The following ANO4 variants were observed in gnomAD, a reference collection of about 807,000 sequenced individuals.
ANO4 encodes anoctamin 4, also known as anoctamin-4.
A neutral mutation model predicts 141.9 loss-of-function variants in ANO4; 69 were observed. That is an observed-to-expected ratio of 0.49 (90% confidence interval 0.40 to 0.59). The LOEUF (loss-of-function observed/expected upper bound fraction) is 0.59, where lower values mean the gene tolerates loss of function less well. Among genes scored for constraint, ANO4 ranks in the 20% least tolerant of loss-of-function variants. ANO4 has a pLI of 0.00. For missense variants in ANO4, 894 were observed against 1,162.2 expected, an observed-to-expected ratio of 0.77 and a Z score of 3.36; for synonymous variants, 350 against 394.3, an observed-to-expected ratio of 0.89 and a Z score of 1.33.
chr12:100,994,403 A>G (rs1240770791), intron 8 of ANO4, among the ~76,000 whole-genome samples: 3 of 152,344 alleles, frequency 2.0e-5, no homozygotes, highest in African/African-American at 4.8e-5. Flanking sequence ...TGAGGCAATT[A>G]CTTTCTAAGG....
chr12:100,887,926 G>A (rs1044660883), intron 1 of ANO4, among the ~76,000 whole-genome samples: 3 of 152,166 alleles, frequency 2.0e-5, no homozygotes, highest in Non-Finnish European at 4.4e-5. Flanking sequence ...TAAGTCCACA[G>A]AACACAAGGA....
chr12:100,858,721 A>G (rs1234513708), intron 1 of ANO4, among the ~76,000 whole-genome samples: 1 of 152,174 alleles, frequency 6.6e-6, no homozygotes, highest in African/African-American at 2.4e-5. Context: ...GAAGTGGCAT[A>G]GTAGGATTTG....
intron 14 of ANO4, among the ~76,000 whole-genome samples, chr12:101,058,412 G>C (rs1041525962): frequency 5.3e-5 from 8 of 152,194 alleles, no homozygotes; most frequent in African/African-American, 1.9e-4. Context: ...GTCAGTGGTA[G>C]CTTGATGTGG....
At chr12:100,734,689 A>C (rs2031530098) in intron 2 of ANO4, among the ~76,000 whole-genome samples, 1 of 112,734 alleles carries the variant, frequency 8.9e-6, no homozygotes, top group African/African-American at 3.4e-5. Context: ...TCTGTTTGAC[A>C]CTAAATCCTA....
chr12:100,915,965 TAACTA>T (rs1477350197), intron 2 of ANO4, among the ~76,000 whole-genome samples: 1 of 152,220 alleles, frequency 6.6e-6, no homozygotes, highest in Non-Finnish European at 1.5e-5. Flanking sequence ...TTATTTAAAG[TAACTA>T]AACTAAGGCA....
intron 1 of ANO4, among the ~76,000 whole-genome samples, chr12:100,856,199 A>C (rs1291648932): frequency 6.6e-6 from 1 of 152,210 alleles, no homozygotes; most frequent in Non-Finnish European, 1.5e-5. Context: ...GATTTTGGTT[A>C]TAATCAGCCA....
At chr12:100,833,833 C>T (rs573282330) in intron 1 of ANO4, among the ~76,000 whole-genome samples, 6 of 152,264 alleles carry the variant, frequency 3.9e-5, no homozygotes, top group African/African-American at 1.4e-4. Context: ...GATCACTTCT[C>T]TTACATGGAC....
chr12:101,094,290 T>C lies in ANO4; in HGVS notation c.1736T>C (p.Leu579Ser). 3.1e-6 allele frequency: 5 copies of C among 1,609,424 alleles called. No homozygotes were observed. Among genetic ancestry groups the C allele is most frequent in the Non-Finnish European group, 4.3e-6 (5 of 1,176,002 alleles). Residue 579 changes from leucine (L) to serine (S), a missense_variant and splice_region_variant, in exon 18 of 28, where the codon TTA (leucine) becomes TCA (serine). Physicochemically the swap from Leu to Ser is moderately radical, Grantham distance 145 (BLOSUM62 -2). This residue lies in a region of ANO4 where 637 missense variants were observed against 909.2 expected (regional missense o/e 0.70). Transcript: ENST00000392977. ...YEKVALLLTN[L>S]EQPRTESEWE... ...AAAGTTGCCCTGCTTCTGACGAATT[T>C]AGGTGAGTGGAATCCTTTCTATTTC...
intron 15 of ANO4, among the ~76,000 whole-genome samples, chr12:101,082,345 C>T (rs1037562025): frequency 6.6e-6 from 1 of 152,118 alleles, no homozygotes; most frequent in African/African-American, 2.4e-5. Context: ...GTCCATTAAC[C>T]CTCTTTTTCT....
chr12:101,114,441 G>A (rs965602986), intron 24 of ANO4, among the ~76,000 whole-genome samples: 1 of 152,032 alleles, frequency 6.6e-6, no homozygotes, highest in African/African-American at 2.4e-5. Flanking sequence ...GCACTCAGGA[G>A]TAACCACCCT....
At position 101,042,485 on chromosome 12, in the gene ANO4, G is replaced by A. The variant is rs1452950070; in HGVS notation, c.1154+17G>A. The A allele has an allele frequency of 6.2e-7, 1 of 1,613,912 alleles. No individual in the cohort carries two copies. The highest frequency in any genetic ancestry group is 8.5e-7 in the Non-Finnish European group (1 of 1,179,930). On this transcript the variant is annotated intron_variant, in intron 12 of 27. Coordinates refer to ENST00000392977, the MANE Select transcript of ANO4 (RefSeq NM_001286615.2). ...CCAAGTCAGGTACGGGGAGCTCTTG[G>A]ATGAGTTTGCCTTTGTTTAGTACTT...
At chr12:101,081,537 C>T (rs746094195) in intron 15 of ANO4, among the ~76,000 whole-genome samples, 3 of 152,180 alleles carry the variant, frequency 2.0e-5, no homozygotes, top group African/African-American at 4.8e-5. Context: ...GCTTGGGATT[C>T]CTTGTGGAAA....
chr12:100,765,863 GT>G (rs552767520), intron 3 of ANO4, among the ~76,000 whole-genome samples: 34,241 of 145,412 alleles, frequency 0.24, 5,162 homozygotes, highest in African/African-American at 0.44. Context: ...ACCTCAACTA[GT>G]TTTTTTTTTT....
chr12:100,901,634 T>C lies in ANO4; in HGVS notation c.-140-12T>C. On this transcript the variant is annotated splice_polypyrimidine_tract_variant and intron_variant, in intron 1 of 27. Coordinates refer to ENST00000392977, the MANE Select transcript of ANO4 (RefSeq NM_001286615.2). Reference sequence around the variant, plus strand: ...GACTTCTTCAGTCTAATGGTGCCATTTCTCATTCCAGGTTTAAGTTTATCT... The same window carrying C: ...GACTTCTTCAGTCTAATGGTGCCATCTCTCATTCCAGGTTTAAGTTTATCT... 2 of 768,488 alleles carry C rather than the reference T, an allele frequency of 2.6e-6. No individual in the cohort carries two copies. The highest frequency in any genetic ancestry group is 4.8e-6 in the Non-Finnish European group (2 of 417,510). 47.6% of individuals were successfully genotyped at this position (768,488 alleles called of 1,614,324 possible).
At chr12:101,119,922 G>A (rs115686542) in intron 25 of ANO4, among the ~76,000 whole-genome samples, 143 of 152,234 alleles carry the variant, frequency 9.4e-4, no homozygotes, top group African/African-American at 3.3e-3. Context: ...ATTTTATGCC[G>A]ACTCAAAAGT....
At chr12:101,054,581 G>A (rs2048022604) in intron 14 of ANO4, among the ~76,000 whole-genome samples, 1 of 152,134 alleles carries the variant, frequency 6.6e-6, no homozygotes, top group Non-Finnish European at 1.5e-5. Context: ...CTCATTGCAA[G>A]CTCCGCCTCC....
At chr12:101,041,643 A>C (rs2047415033) in intron 11 of ANO4, among the ~76,000 whole-genome samples, 2 of 151,956 alleles carry the variant, frequency 1.3e-5, no homozygotes, top group African/African-American at 2.4e-5. Context: ...GCTCTGAAAA[A>C]CTCAGTTTTC....
intron 2 of ANO4, among the ~76,000 whole-genome samples, chr12:100,738,799 C>A (rs1399457): frequency 0.14 from 21,495 of 151,642 alleles, 1,759 homozygotes; most frequent in Middle Eastern, 0.18. Context: ...CCTTTTTTAA[C>A]ATGTGTGTGG....
At chr12:101,053,417 A>G (rs1168193311) in intron 14 of ANO4, among the ~76,000 whole-genome samples, 1 of 152,226 alleles carries the variant, frequency 6.6e-6, no homozygotes, top group East Asian at 1.9e-4. Flanking sequence ...TGGGTAGCTT[A>G]AAACAATAGT....
Sources: gnomAD v4.1 joint callset for allele counts (sites outside exome capture counted in the v4.1 genomes callset) on GRCh38, gnomAD v4.1.1 for gene constraint, gnomAD v4.1.1 regional missense constraint, MANE v1.5 for transcripts, NCBI Gene and HGNC (gene_info 2026-07-23, HGNC 2026-07-21) for gene names.